Variants in CIDEC observed in about 807,000 individuals in gnomAD.
CIDEC encodes the protein cell death inducing DFFA like effector c.
Under a neutral mutation model 21.9 loss-of-function variants are expected in CIDEC, and 11 were observed. The observed-to-expected ratio is 0.50, with a 90% CI of 0.32 to 0.83. The LOEUF (loss-of-function observed/expected upper bound fraction) is 0.83, where lower values mean the gene tolerates loss of function less well. CIDEC is among the 40% of genes least tolerant of loss of function. CIDEC has a pLI of 0.04. For synonymous variants in CIDEC, 127 were observed against 124.9 expected (o/e 1.02, Z -0.11); for missense variants, 302 against 302.3 (o/e 1.00, Z 0.01).
intron 4 of CIDEC, among the ~76,000 whole-genome samples, chr3:9,872,329 G>A (rs1174372020): frequency 2.0e-5 from 3 of 151,756 alleles, no homozygotes; most frequent in African/African-American, 4.8e-5. Flanking sequence ...ATGTGCCACC[G>A]TTCCCAGCTA....
chr3:9,873,136 C>T (rs1383268874), intron 4 of CIDEC, among the ~76,000 whole-genome samples: 1 of 151,612 alleles, frequency 6.6e-6, no homozygotes, highest in Admixed American at 6.6e-5. Context: ...TGCTTTGGTG[C>T]CGTATCTAGG....
chr3:9,875,408 A>G (rs1248835593), intron 4 of CIDEC, among the ~76,000 whole-genome samples: 1 of 151,608 alleles, frequency 6.6e-6, no homozygotes, highest in East Asian at 1.9e-4. Flanking sequence ...AAAGAAATGC[A>G]TAGTTCCAAA....
rs935011963 is a variant in CIDEC, at chr3:9,877,346, T to A, written c.54-127A>T. 18 of 911,488 alleles carry A rather than the reference T, an allele frequency of 2.0e-5. No homozygotes were observed. The African/African-American group carries it at 2.6e-4, about 13-fold the overall frequency. 56.5% of individuals were successfully genotyped at this position (911,488 alleles called of 1,614,324 possible). ...CAGTCAACCCCCCATCACCTGCTAA[T>A]CCTGCCCTAGTCTTACTCAGAAGCC... On this transcript the variant is annotated intron_variant, in intron 3 of 6. Coordinates refer to ENST00000336832, the MANE Select transcript of CIDEC (RefSeq NM_001321142.2).
In CIDEC at chr3:9,877,146, G is replaced by A. The variant is rs988262334; in HGVS notation, c.127C>T (p.Arg43Trp). Residue 43 changes from arginine to tryptophan, a missense_variant, in exon 4 of 7, where the codon CGG (arginine) becomes TGG (tryptophan). By Grantham distance (101) the Arg-to-Trp change is moderately radical. Transcript: ENST00000336832. ...SEPSPKAPRA[R>W]PCRVSTADRS... ...TCCGCCGTGCTTACGCGGCAGGGCC[G>A]GGCCCTGGGGGCCTTGGGGCTGGGC... 6.1e-5 allele frequency: 95 copies of A among 1,551,526 alleles called. No individual in the cohort carries two copies. The highest frequency in any genetic ancestry group is 8.2e-5 in the African/African-American group (6 of 73,102).
chr3:9,877,668 AT>A (rs201896774), intron 3 of CIDEC, among the ~76,000 whole-genome samples: 13 of 152,194 alleles, frequency 8.5e-5, no homozygotes, highest in African/African-American at 2.4e-4. Flanking sequence ...TTAAAAAAAA[AT>A]AATAAAATAA....
At chr3:9,876,776 A>C (rs1450247503) in intron 4 of CIDEC, among the ~76,000 whole-genome samples, 1 of 134,978 alleles carries the variant, frequency 7.4e-6, no homozygotes, top group African/African-American at 2.7e-5. Flanking sequence ...AAAAAAAAAA[A>C]AAAAAAAACT....
At chr3:9,869,812 C>T (rs1199900722) in intron 6 of CIDEC, 70 bp downstream of exon 6, 19 of 1,426,290 alleles carry the variant, frequency 1.3e-5, no homozygotes, top group Non-Finnish European at 1.9e-5. Context: ...AGGCTGAGTC[C>T]ATGTGGACAG....
rs149443112 is a variant in CIDEC, at chr3:9,867,033, G to T, written c.*101C>A. On this transcript the variant is annotated 3_prime_UTR_variant, in exon 7 of 7. Coordinates refer to ENST00000336832, the MANE Select transcript of CIDEC (RefSeq NM_001321142.2). ...CTGCGCGGTGAGGGAGGTGTGGGGA[G>T]GTTCGCGGCTCTACAGCTGCCAGGC... is the stretch of plus-strand genomic sequence containing the variant. 3 of 1,312,698 alleles carry T rather than the reference G, an allele frequency of 2.3e-6. No individual in the cohort carries two copies. The highest frequency in any genetic ancestry group is 3.3e-6 in the Non-Finnish European group (3 of 906,984). 81.3% of individuals were successfully genotyped at this position (1,312,698 alleles called of 1,614,324 possible).
chr3:9,879,713 C>G (rs2082478784), intron 1 of CIDEC, among the ~76,000 whole-genome samples: 1 of 152,144 alleles, frequency 6.6e-6, no homozygotes, highest in Non-Finnish European at 1.5e-5. Context: ...TTTTTGCAGC[C>G]TTGAAGCCTC....
rs1375973301 is a variant in CIDEC at position 9,877,094 on chromosome 3, G to A, written c.179C>T (p.Ala60Val). 1 of 1,553,476 alleles carries A rather than the reference G, an allele frequency of 6.4e-7. No homozygotes were observed. Among genetic ancestry groups the A allele is most frequent in the Non-Finnish European group, 8.7e-7 (1 of 1,147,860 alleles). Residue 60 changes from alanine (A) to valine (V), a missense_variant, in exon 4 of 7, where the codon GCT (alanine) becomes GTT (valine). Transcript: ENST00000336832. ...GAGGAGGAGGTCCTCAAGACTGTAA[G>A]CCATGATGCCCTTCCTCACGCTTCG... ...ADRSVRKGIMAYSLEDLLLKV... is the reference protein window; with the variant it reads ...ADRSVRKGIMVYSLEDLLLKV...
chr3:9,870,573 C>T (rs2082334622), intron 4 of CIDEC: 2 of 1,142,164 alleles, frequency 1.8e-6, no homozygotes, highest in Admixed American at 2.2e-5. Context: ...TAAAAGTGTA[C>T]AATTCAGGGT....
Position 9,867,053 on chromosome 3 carries a change from C to A in CIDEC, c.*81G>T. ...GGGGAGGTTCGCGGCTCTACAGCTG[C>A]CAGGCTTGTGGGCACTACCAGTTAA... On this transcript the variant is annotated 3_prime_UTR_variant, in exon 7 of 7. Transcript: ENST00000336832. 1 of 1,502,018 alleles carries A rather than the reference C, an allele frequency of 6.7e-7. No homozygotes were observed. Among genetic ancestry groups the A allele is most frequent in the Non-Finnish European group, 9.3e-7 (1 of 1,079,642 alleles). The allele number at this position is 1,502,018 out of a possible 1,614,324, so 93.0% of individuals were successfully genotyped here. A position where few individuals can be genotyped will look rare whatever the true frequency, so the allele number is the denominator to read the frequency against.
chr3:9,869,771 T>C (rs2082319861), intron 6 of CIDEC, 111 bp downstream of exon 6: 1 of 982,004 alleles, frequency 1.0e-6, no homozygotes, highest in South Asian at 1.4e-5. Context: ...CTATGCTTTG[T>C]CAGCACCAAA....
rs775474059 is a variant in CIDEC at position 9,878,467 on chromosome 3, G to T, written c.20C>A (p.Ser7Tyr). 1 of 1,614,024 alleles carries T rather than the reference G, an allele frequency of 6.2e-7. No homozygotes were observed. Among genetic ancestry groups the T allele is most frequent in the South Asian group, 1.1e-5 (1 of 91,078 alleles). MEYAMK[S>Y]LSLLYPKSLS... is the part of the protein sequence containing the mutation. ...GGACTTGGGGTAGAGAAGGCTAAGG[G>T]ACTTCATGGCGTATTCCATCCTTGT... The change falls in exon 3 of 7, where the codon TCC becomes TAC. Residue 7 changes from serine to tyrosine, a missense_variant. Transcript: ENST00000336832.
intron 6 of CIDEC, among the ~76,000 whole-genome samples, chr3:9,868,382 C>A (rs1046709707): frequency 2.4e-4 from 36 of 152,212 alleles, no homozygotes; most frequent in Non-Finnish European, 5.1e-4. Context: ...GACATCCATG[C>A]CTGGCATGAG....
chr3:9,878,527 A>G lies in CIDEC; in HGVS notation c.-25-16T>C. ...TGCGTTGGACCTGGGAAGGAGGCAG[A>G]AACAATTCATCAGGGTGAGATGAGA... On this transcript the variant is annotated splice_polypyrimidine_tract_variant and intron_variant, in intron 2 of 6. Transcript: ENST00000336832. The G allele has an allele frequency of 1.9e-6, 3 of 1,608,466 alleles. No individual in the cohort carries two copies. Among genetic ancestry groups the G allele is most frequent in the East Asian group, 2.2e-5 (1 of 44,846 alleles).
intron 6 of CIDEC, 47 bp from the exon 7 acceptor site, chr3:9,867,343 G>C (rs756472069): frequency 6.2e-7 from 1 of 1,604,150 alleles, no homozygotes; most frequent in Non-Finnish European, 8.5e-7. Flanking sequence ...GAAGTAGGTC[G>C]GGCATGGCGT....
intron 4 of CIDEC, 41 bp from the exon 5 acceptor site, chr3:9,870,363 A>G (rs776120872): frequency 3.1e-6 from 5 of 1,606,454 alleles, no homozygotes; most frequent in Non-Finnish European, 4.2e-6. Flanking sequence ...ATCCCAGAAC[A>G]AGTGGGCTGG....
At chr3:9,878,174 C>T (rs1283631620) in intron 3 of CIDEC, 3 of 479,404 alleles carry the variant, frequency 6.3e-6, no homozygotes, top group Admixed American at 3.3e-5. Context: ...GTGAGGCTTA[C>T]ATGAGATCAG....
Sources: gnomAD v4.1 joint callset for allele counts (sites outside exome capture counted in the v4.1 genomes callset) on GRCh38, gnomAD v4.1.1 for gene constraint, MANE v1.5 for transcripts, NCBI Gene and HGNC (gene_info 2026-07-23, HGNC 2026-07-21) for gene names.